Variants in PDE4D observed in about 807,000 individuals in gnomAD.
PDE4D encodes phosphodiesterase 4D, also known as 3',5'-cyclic-AMP phosphodiesterase 4D.
PDE4D carries 24 observed loss-of-function variants against 87.4 expected under a neutral mutation model. That is an observed-to-expected ratio of 0.27 (90% CI 0.20 to 0.39). PDE4D has a LOEUF of 0.39. PDE4D is among the 10% of genes least tolerant of loss of function. PDE4D has a pLI of 1.00. For synonymous variants in PDE4D, 384 were observed against 383.2 expected (o/e 1.00, Z -0.02); for missense variants, 714 against 1,041.0 (o/e 0.69, Z 4.32).
intron 2 of PDE4D, among the ~76,000 whole-genome samples, chr5:60,106,852 C>T (rs1351471528): frequency 2.9e-4 from 44 of 151,078 alleles, no homozygotes; most frequent in African/African-American, 9.5e-4. Context: ...GGGACACATT[C>T]AAAGCAGTGT....
chr5:59,683,091 C>T (rs1490575006), intron 1 of PDE4D, among the ~76,000 whole-genome samples: 2 of 152,116 alleles, frequency 1.3e-5, no homozygotes, highest in African/African-American at 2.4e-5. Flanking sequence ...ATTTTAACCA[C>T]TGAACTGTAC....
At chr5:60,115,649 T>G (rs776596413) in intron 2 of PDE4D, among the ~76,000 whole-genome samples, 41 of 152,070 alleles carry the variant, frequency 2.7e-4, no homozygotes, top group Admixed American at 5.9e-4. Context: ...AACAGCCAGT[T>G]AGTGACAGAA....
intron 1 of PDE4D, among the ~76,000 whole-genome samples, chr5:60,318,505 G>C: frequency 6.6e-6 from 1 of 152,188 alleles, no homozygotes; most frequent in Admixed American, 6.5e-5. Context: ...ATATTGTTAT[G>C]TGTGAATTTG....
At chr5:59,268,151 A>G (rs763087207) in intron 1 of PDE4D, among the ~76,000 whole-genome samples, 4 of 152,026 alleles carry the variant, frequency 2.6e-5, no homozygotes, top group Non-Finnish European at 5.9e-5. Flanking sequence ...TATTCTGAAG[A>G]GCAGTTCACC....
Position 59,278,079 on chromosome 5 carries a change from T to C in PDE4D, c.456-62111A>G, listed in dbSNP as rs544552413. On this transcript the variant is annotated intron_variant, in intron 1 of 14. Coordinates refer to ENST00000340635, the MANE Select transcript of PDE4D (RefSeq NM_001104631.2). ...AAAGATGCGCTATGTTGTAAGACCA[T>C]TGAGATTTAAATTTAAGTTTTGCTT... Among the ~76,000 whole-genome samples, 19 of 152,122 alleles carry C rather than the reference T, an allele frequency of 1.2e-4. No individual in the cohort carries two copies. The East Asian group carries it at 2.7e-3, about 22-fold the overall frequency.
At chr5:59,462,923 A>T (rs1445517125) in intron 1 of PDE4D, among the ~76,000 whole-genome samples, 1 of 152,148 alleles carries the variant, frequency 6.6e-6, no homozygotes, top group Non-Finnish European at 1.5e-5. Context: ...AACTGCAGAC[A>T]AATTTTTCTT....
chr5:60,117,877 TTTC>T (rs1256123526), intron 2 of PDE4D, among the ~76,000 whole-genome samples: 19 of 151,594 alleles, frequency 1.3e-4, no homozygotes, highest in Non-Finnish European at 1.9e-4. Context: ...GATGACTTCA[TTTC>T]TTCATCTCTT....
chr5:59,185,108 A>AT (rs1379202240), intron 4 of PDE4D, 81 bp downstream of exon 4: 1 of 1,033,454 alleles, frequency 9.7e-7, no homozygotes, highest in East Asian at 2.4e-5. Flanking sequence ...GAAGTCTAAC[A>AT]TATTGCCTTG....
intron 3 of PDE4D, among the ~76,000 whole-genome samples, chr5:59,916,893 T>C (rs1373120934): frequency 6.6e-6 from 1 of 151,312 alleles, no homozygotes; most frequent in African/African-American, 2.4e-5. Context: ...GTTCAAGCAA[T>C]TTTCCTGCCT....
chr5:59,551,060 C>T (rs1818035079), intron 1 of PDE4D, among the ~76,000 whole-genome samples: 1 of 152,034 alleles, frequency 6.6e-6, no homozygotes, highest in African/African-American at 2.4e-5. Flanking sequence ...AATAGAATCC[C>T]ACCCTTTTCA....
At chr5:59,581,700 G>C (rs1204067094) in intron 1 of PDE4D, among the ~76,000 whole-genome samples, 1 of 152,062 alleles carries the variant, frequency 6.6e-6, no homozygotes, top group African/African-American at 2.4e-5. Context: ...CTCTATCATA[G>C]CATACTTAAT....
At chr5:60,017,729 C>T (rs554081246) in intron 2 of PDE4D, among the ~76,000 whole-genome samples, 1 of 152,218 alleles carries the variant, frequency 6.6e-6, no homozygotes, top group South Asian at 2.1e-4. Context: ...CATGCCTTTG[C>T]TATTGTGAAT....
At chr5:60,010,936 T>C (rs1764964437) in intron 2 of PDE4D, among the ~76,000 whole-genome samples, 2 of 152,308 alleles carry the variant, frequency 1.3e-5, no homozygotes, top group African/African-American at 2.4e-5. Flanking sequence ...GTGTTCTGCA[T>C]GGCACAAAGG....
chr5:59,650,992 A>G (rs1373732722), intron 1 of PDE4D, among the ~76,000 whole-genome samples: 1 of 152,110 alleles, frequency 6.6e-6, no homozygotes, highest in African/African-American at 2.4e-5. Flanking sequence ...GCGGTGGCTC[A>G]CGCCTGTAAT....
chr5:59,973,642 G>T (rs1421087994), intron 3 of PDE4D, among the ~76,000 whole-genome samples: 4 of 152,046 alleles, frequency 2.6e-5, no homozygotes, highest in Non-Finnish European at 5.9e-5. Context: ...ATGAGTCTTG[G>T]TCTTTATTTG....
chr5:59,038,266 C>A (rs1267151700), intron 6 of PDE4D, among the ~76,000 whole-genome samples: 1 of 152,174 alleles, frequency 6.6e-6, no homozygotes, highest in African/African-American at 2.4e-5. Flanking sequence ...CCTCCTTGTA[C>A]TAAATGACCT....
intron 1 of PDE4D, among the ~76,000 whole-genome samples, chr5:59,580,842 G>A (rs144421976): frequency 4.7e-4 from 71 of 152,220 alleles, no homozygotes; most frequent in Admixed American, 1.6e-3. Context: ...CACTCCAGAA[G>A]CTGAATTAGA....
Position 60,449,088 on chromosome 5 carries a change from C to G in PDE4D, c.-90+38854G>C, listed in dbSNP as rs894010475. ...CTGCCCGCGCACACACACACACACA[C>G]ACACACACACACGATCATGAAAATA... On this transcript the variant is annotated intron_variant, in intron 1 of 16. Transcript: ENST00000502484. Among the ~76,000 whole-genome samples, 14 of 146,696 alleles carry G rather than the reference C, an allele frequency of 9.5e-5. No homozygotes were observed. The South Asian group carries it at 3.0e-3, about 32-fold the overall frequency.
At chr5:60,493,640 A>G (rs572942440) in intron 1 of PDE4D, among the ~76,000 whole-genome samples, 1 of 151,810 alleles carries the variant, frequency 6.6e-6, no homozygotes, top group Non-Finnish European at 1.5e-5. Flanking sequence ...CTCATGCATG[A>G]TCTTTGTCCT....
Sources: allele counts gnomAD v4.1 joint callset (sites outside exome capture counted in the v4.1 genomes callset), GRCh38; gene constraint gnomAD v4.1.1; transcripts MANE v1.5; gene names NCBI Gene and HGNC (gene_info 2026-07-23, HGNC 2026-07-21).